The following FAM3C variants were observed in gnomAD, a reference collection of about 807,000 sequenced individuals.
FAM3C encodes the protein FAM3 metabolism regulating signaling molecule C.
In FAM3C, 15 loss-of-function variants were observed where a neutral mutation model predicts 32.5. The ratio of observed to expected loss-of-function variants is 0.46; its 90% confidence interval spans 0.31 to 0.71. The LOEUF (loss-of-function observed/expected upper bound fraction) is 0.71. Among genes scored for constraint, FAM3C ranks in the 30% least tolerant of loss-of-function variants. The pLI is 0.05. For synonymous variants in FAM3C, 75 were observed against 86.1 expected (o/e 0.87, Z 0.72); for missense variants, 175 against 274.4 (o/e 0.64, Z 2.56).
chr7:121,382,171 A>G (rs1382498380), intron 2 of FAM3C, among the ~76,000 whole-genome samples: 1 of 152,184 alleles, frequency 6.6e-6, no homozygotes, highest in Non-Finnish European at 1.5e-5. Flanking sequence ...ACTTATTTTT[A>G]CTACACAGGA....
intron 1 of FAM3C, among the ~76,000 whole-genome samples, chr7:121,386,750 A>T (rs1202468468): frequency 6.6e-6 from 1 of 151,736 alleles, no homozygotes; most frequent in Non-Finnish European, 1.5e-5. Flanking sequence ...TCAGACTAAT[A>T]CAGACCCCCT....
Position 121,379,480 on chromosome 7 carries a change from T to C in FAM3C, c.14-466A>G, listed in dbSNP as rs149172001. 3.9e-5 allele frequency among the ~76,000 whole-genome samples: 6 copies of C among 152,266 alleles called. No homozygotes were observed. In the East Asian group the frequency reaches 1.2e-3, roughly 29 times the overall value. ...TCTCAAGTGACATGTTACAGATTTATTGTCCTATCACTAACCAACACATCT... is the reference window on the plus strand; with the variant it reads ...TCTCAAGTGACATGTTACAGATTTACTGTCCTATCACTAACCAACACATCT... On this transcript the variant is annotated intron_variant, in intron 2 of 9. Transcript: ENST00000359943.
At chr7:121,390,880 G>C in intron 1 of FAM3C, among the ~76,000 whole-genome samples, 1 of 89,958 alleles carries the variant, frequency 1.1e-5, no homozygotes, top group Admixed American at 1.5e-4. Flanking sequence ...GGGAAGGTAA[G>C]GCAGATCTAA....
intron 2 of FAM3C, among the ~76,000 whole-genome samples, chr7:121,380,494 G>A (rs1053169839): frequency 2.6e-5 from 4 of 151,896 alleles, no homozygotes; most frequent in African/African-American, 4.8e-5. Context: ...GCTAAACACT[G>A]AGAAGGGAAC....
chr7:121,390,501 C>G (rs1361284805), intron 1 of FAM3C, among the ~76,000 whole-genome samples: 1 of 152,124 alleles, frequency 6.6e-6, no homozygotes, highest in Non-Finnish European at 1.5e-5. Context: ...CTTTGTAGGA[C>G]TAACAAATTA....
chr7:121,385,756 TA>T (rs1249280133), intron 1 of FAM3C, among the ~76,000 whole-genome samples: 1 of 152,144 alleles, frequency 6.6e-6, no homozygotes, highest in Non-Finnish European at 1.5e-5. Context: ...AAAATTGTCA[TA>T]AAAAATTATT....
At chr7:121,388,340 G>A (rs1289397995) in intron 1 of FAM3C, among the ~76,000 whole-genome samples, 1 of 151,634 alleles carries the variant, frequency 6.6e-6, no homozygotes, top group Non-Finnish European at 1.5e-5. Flanking sequence ...ATGACTACCA[G>A]CAACTAGAAA....
At chr7:121,357,629 C>T (rs906169387) in intron 8 of FAM3C, among the ~76,000 whole-genome samples, 8 of 152,158 alleles carry the variant, frequency 5.3e-5, no homozygotes, top group South Asian at 2.1e-4. Context: ...AATATAAATT[C>T]GTGTGCCCCA....
intron 1 of FAM3C, among the ~76,000 whole-genome samples, chr7:121,392,149 A>T (rs1056416732): frequency 6.6e-6 from 1 of 152,170 alleles, no homozygotes; most frequent in African/African-American, 2.4e-5. Flanking sequence ...CAATTCATGA[A>T]TTGTTTGTTC....
At chr7:121,392,499 C>T (rs1304066897) in intron 1 of FAM3C, among the ~76,000 whole-genome samples, 18 of 152,144 alleles carry the variant, frequency 1.2e-4, no homozygotes. Context: ...CACTTCCCTC[C>T]CTCGACACAC....
intron 7 of FAM3C, among the ~76,000 whole-genome samples, chr7:121,362,519 A>G (rs781285522): frequency 6.6e-6 from 1 of 151,944 alleles, no homozygotes; most frequent in African/African-American, 2.4e-5. Context: ...ATCAATTCCT[A>G]TCACTTAGGA....
At chr7:121,391,164 G>A (rs901007697) in intron 1 of FAM3C, among the ~76,000 whole-genome samples, 1 of 152,128 alleles carries the variant, frequency 6.6e-6, no homozygotes, top group Non-Finnish European at 1.5e-5. Flanking sequence ...AAATGAAATG[G>A]TGACTGGATT....
chr7:121,353,309 C>T (rs187933484), intron 8 of FAM3C, among the ~76,000 whole-genome samples: 2 of 152,224 alleles, frequency 1.3e-5, no homozygotes, highest in Non-Finnish European at 1.5e-5. Flanking sequence ...CAGAAGTGAC[C>T]ATTATGATCT....
At chr7:121,390,853 CGGGGG>C (rs58750532) in intron 1 of FAM3C, among the ~76,000 whole-genome samples, 7 of 7,452 alleles carry the variant, frequency 9.4e-4, no homozygotes, top group African/African-American at 1.8e-3. Flanking sequence ...CTGTGTGGGG[CGGGGG>C]GGGGGGGGGG....
At chr7:121,356,426 C>G (rs1328154393) in intron 8 of FAM3C, among the ~76,000 whole-genome samples, 4 of 152,250 alleles carry the variant, frequency 2.6e-5, no homozygotes, top group Middle Eastern at 3.4e-3. Flanking sequence ...CTTCAAATAC[C>G]TGAAGTATCA....
At chr7:121,363,453 GAAGA>G (rs1297524056) in intron 6 of FAM3C, among the ~76,000 whole-genome samples, 1 of 152,100 alleles carries the variant, frequency 6.6e-6, no homozygotes, top group East Asian at 1.9e-4. Context: ...CTAAGGAAAT[GAAGA>G]AAGCAGAAGA....
intron 8 of FAM3C, among the ~76,000 whole-genome samples, chr7:121,357,829 A>G (rs967767827): frequency 6.6e-6 from 1 of 152,068 alleles, no homozygotes; most frequent in Non-Finnish European, 1.5e-5. Flanking sequence ...TTCCTCCCCT[A>G]GTTCTTAGTT....
intron 1 of FAM3C, among the ~76,000 whole-genome samples, chr7:121,386,883 C>A (rs914942652): frequency 1.3e-5 from 2 of 151,896 alleles, no homozygotes; most frequent in Middle Eastern, 3.2e-3. Context: ...GTAGGTTACT[C>A]CGATGTTGCA....
chr7:121,353,263 G>A (rs1232517080), intron 8 of FAM3C, among the ~76,000 whole-genome samples: 1 of 152,124 alleles, frequency 6.6e-6, no homozygotes, highest in Non-Finnish European at 1.5e-5. Context: ...ATGTTGAAGG[G>A]CAGTCAGGCA....
Sources: allele counts gnomAD v4.1 joint callset (sites outside exome capture counted in the v4.1 genomes callset), GRCh38; gene constraint gnomAD v4.1.1; transcripts MANE v1.5; gene names NCBI Gene and HGNC (gene_info 2026-07-23, HGNC 2026-07-21).